The following XIRP2 variants were observed in gnomAD, a reference collection of about 807,000 sequenced individuals.
The protein encoded by XIRP2 is xin actin binding repeat containing 2.
A neutral mutation model predicts 277.0 loss-of-function variants in XIRP2; 236 were observed. The ratio of observed to expected loss-of-function variants is 0.85; its 90% CI spans 0.77 to 0.95. XIRP2 has a LOEUF of 0.95. Ranked by LOEUF, XIRP2 falls within the 40% of genes least tolerant of loss-of-function variation. The pLI, the probability that XIRP2 is intolerant of heterozygous loss-of-function variation, is 0.00. For missense variants in XIRP2, 4,640 were observed against 4,157.5 expected, an observed-to-expected ratio of 1.12 and a Z score of -3.19; for synonymous variants, 1,490 against 1,416.5, an observed-to-expected ratio of 1.05 and a Z score of -1.17.
At chr2:167,045,140 A>C (rs1192352007) in intron 2 of XIRP2, among the ~76,000 whole-genome samples, 1 of 152,138 alleles carries the variant, frequency 6.6e-6, no homozygotes, top group Non-Finnish European at 1.5e-5. Flanking sequence ...TGACAAAAGT[A>C]AGCAATGGGA....
intron 2 of XIRP2, among the ~76,000 whole-genome samples, chr2:166,940,636 CT>C (rs1275683302): frequency 1.3e-5 from 2 of 152,114 alleles, no homozygotes; most frequent in African/African-American, 4.8e-5. Context: ...TGTGGATATC[CT>C]TTCTGTTTGT....
At chr2:167,136,174 A>T in intron 3 of XIRP2, 112 bp downstream of exon 3, 4 of 1,090,950 alleles carry the variant, frequency 3.7e-6, no homozygotes, top group Non-Finnish European at 4.9e-6. Context: ...GAAAATAATG[A>T]CTGCATATAG....
At chr2:167,118,445 G>A (rs1345983050) in intron 2 of XIRP2, among the ~76,000 whole-genome samples, 5 of 149,868 alleles carry the variant, frequency 3.3e-5, no homozygotes, top group Non-Finnish European at 5.9e-5. Context: ...TCGGGCCACC[G>A]CACTCCAGCC....
chr2:167,161,289 C>G (rs948210662), intron 3 of XIRP2, among the ~76,000 whole-genome samples: 2 of 152,246 alleles, frequency 1.3e-5, no homozygotes, highest in African/African-American at 4.8e-5. Context: ...CACAACTCCA[C>G]TAGGTGGTGC....
At chr2:167,118,272 G>T (rs774460979) in intron 2 of XIRP2, among the ~76,000 whole-genome samples, 2 of 151,994 alleles carry the variant, frequency 1.3e-5, no homozygotes, top group Non-Finnish European at 2.9e-5. Flanking sequence ...CTGAGGTCAG[G>T]AGTTTGAGAC....
At chr2:167,233,050 T>C (rs1324873071) in intron 5 of XIRP2, among the ~76,000 whole-genome samples, 1 of 151,898 alleles carries the variant, frequency 6.6e-6, no homozygotes, top group Admixed American at 6.6e-5. Context: ...ATGAGGCTCA[T>C]TGGAACCCCA....
intron 2 of XIRP2, among the ~76,000 whole-genome samples, chr2:166,906,340 A>G (rs1043061813): frequency 5.3e-5 from 8 of 152,110 alleles, no homozygotes; most frequent in African/African-American, 1.9e-4. Context: ...GTATATGTAC[A>G]TCTATTTACA....
At chr2:167,068,424 A>G (rs1423728704) in intron 2 of XIRP2, among the ~76,000 whole-genome samples, 1 of 152,156 alleles carries the variant, frequency 6.6e-6, no homozygotes, top group African/African-American at 2.4e-5. Context: ...ATTTTCAGTC[A>G]TGTAGCCCTT....
At chr2:167,139,005 T>G (rs1266303507) in intron 3 of XIRP2, among the ~76,000 whole-genome samples, 1 of 151,914 alleles carries the variant, frequency 6.6e-6, no homozygotes, top group African/African-American at 2.4e-5. Context: ...AGGTGGAGGC[T>G]TCAGTGAGCC....
chr2:166,979,902 T>TG (rs945817104), intron 2 of XIRP2, among the ~76,000 whole-genome samples: 3 of 151,746 alleles, frequency 2.0e-5, no homozygotes, highest in African/African-American at 4.9e-5. Flanking sequence ...AATTAGGAAT[T>TG]TTTTCTTTCT....
chr2:166,925,589 GTATATACATATATATATATATATA>G (rs1170509793), intron 2 of XIRP2, among the ~76,000 whole-genome samples: 2 of 106,008 alleles, frequency 1.9e-5, no homozygotes, highest in East Asian at 2.8e-4. Flanking sequence ...GTGTGTATGT[GTATATACATATATATATATATATA>G]TATATATATA....
At chr2:167,108,736 A>G (rs1361983107) in intron 2 of XIRP2, among the ~76,000 whole-genome samples, 3 of 152,072 alleles carry the variant, frequency 2.0e-5, no homozygotes, top group Admixed American at 2.0e-4. Context: ...ATTTGAGTAA[A>G]TGTACACTCT....
At chr2:167,063,688 C>G (rs1689227646) in intron 2 of XIRP2, among the ~76,000 whole-genome samples, 1 of 151,404 alleles carries the variant, frequency 6.6e-6, no homozygotes, top group Non-Finnish European at 1.5e-5. Context: ...TTCACTTTAC[C>G]CTTAGTAATA....
At chr2:166,916,144 G>A (rs1684871240) in intron 2 of XIRP2, among the ~76,000 whole-genome samples, 1 of 152,130 alleles carries the variant, frequency 6.6e-6, no homozygotes, top group Non-Finnish European at 1.5e-5. Context: ...TTCATTTAAT[G>A]ACCAATCTGT....
At chr2:167,173,761 G>T (rs898959932) in intron 3 of XIRP2, among the ~76,000 whole-genome samples, 1 of 152,080 alleles carries the variant, frequency 6.6e-6, no homozygotes, top group Non-Finnish European at 1.5e-5. Flanking sequence ...GTGTACTAGG[G>T]TTCTCTTTTC....
intron 3 of XIRP2, among the ~76,000 whole-genome samples, chr2:167,161,359 C>G (rs549388258): frequency 6.6e-6 from 1 of 152,158 alleles, no homozygotes; most frequent in East Asian, 1.9e-4. Flanking sequence ...ACTGCCCTAG[C>G]AGAGGTTCCG....
chr2:166,986,086 T>C (rs1338218536), intron 2 of XIRP2, among the ~76,000 whole-genome samples: 1 of 152,150 alleles, frequency 6.6e-6, no homozygotes, highest in Non-Finnish European at 1.5e-5. Context: ...CCTAGCTGCA[T>C]TGGTATTCTC....
intron 3 of XIRP2, among the ~76,000 whole-genome samples, chr2:167,199,626 G>T (rs1217238196): frequency 1.3e-5 from 2 of 152,074 alleles, no homozygotes; most frequent in Non-Finnish European, 2.9e-5. Flanking sequence ...ATTGTTTTAG[G>T]GGCACTAGTG....
rs1015120854 is a variant in XIRP2, at chr2:167,246,245, G to A, written c.4853G>A (p.Cys1618Tyr). Residue 1618 changes from cysteine (C) to tyrosine (Y), a missense_variant, in exon 9 of 11, where the codon TGT (cysteine) becomes TAT (tyrosine). Physicochemically the swap from Cys to Tyr is radical, Grantham distance 194 (BLOSUM62 -2). Coordinates refer to ENST00000409195, the MANE Select transcript of XIRP2 (RefSeq NM_152381.6). ...GTGAACCTACTTTCCAAAAGGGACT[G>A]TACTGAAAGAGAGATTTTGATTAGT... Reference protein sequence around the residue: ...IMVNLLSKRDCTEREILISEE... With the variant: ...IMVNLLSKRDYTEREILISEE... 5 of 1,613,466 alleles carry A rather than the reference G, an allele frequency of 3.1e-6. No homozygotes were observed. In the African/African-American group the frequency reaches 4.0e-5, roughly 13 times the overall value.
Sources: allele counts gnomAD v4.1 joint callset (sites outside exome capture counted in the v4.1 genomes callset), GRCh38; gene constraint gnomAD v4.1.1; transcripts MANE v1.5; gene names NCBI Gene and HGNC (gene_info 2026-07-23, HGNC 2026-07-21).